The following MAPK8 variants were observed in gnomAD, a reference collection of about 807,000 sequenced individuals.
MAPK8 encodes JUN N-terminal kinase.
MAPK8 carries 13 observed loss-of-function variants against 52.9 expected under a neutral mutation model. The observed-to-expected ratio is 0.25, with a 90% CI of 0.16 to 0.39. The LOEUF is 0.39. Ranked by LOEUF, MAPK8 falls within the 10% of genes least tolerant of loss-of-function variation. The probability of loss-of-function intolerance (pLI) is 1.00; values close to 1 mark genes in which losing one functional copy is unlikely to be tolerated. For missense variants in MAPK8, 300 were observed against 519.2 expected (o/e 0.58, Z 4.10); for synonymous variants, 191 against 169.8 (o/e 1.12, Z -0.97).
At chr10:48,315,095 C>T (rs548949007) in intron 1 of MAPK8, among the ~76,000 whole-genome samples, 2 of 152,284 alleles carry the variant, frequency 1.3e-5, no homozygotes, top group South Asian at 4.1e-4. Context: ...GCTGTGTTTT[C>T]TGCTAGGTCT....
At chr10:48,342,509 A>G (rs1044152492) in intron 1 of MAPK8, among the ~76,000 whole-genome samples, 2 of 152,246 alleles carry the variant, frequency 1.3e-5, no homozygotes, top group Non-Finnish European at 2.9e-5. Context: ...AGCAGATTTT[A>G]AATAAGAAAA....
intron 3 of MAPK8, among the ~76,000 whole-genome samples, 196 bp from the exon 4 acceptor site, chr10:48,409,683 C>T (rs972276763): frequency 1.3e-5 from 2 of 152,198 alleles, no homozygotes; most frequent in African/African-American, 4.8e-5. Context: ...CTCTGTGCCT[C>T]CACCTATCCA....
intron 1 of MAPK8, among the ~76,000 whole-genome samples, chr10:48,377,251 C>G (rs1006342699): frequency 6.6e-6 from 1 of 152,040 alleles, no homozygotes; most frequent in African/African-American, 2.4e-5. Context: ...GGAGAAATAC[C>G]TAATGTAGAT....
intron 9 of MAPK8, chr10:48,426,872 AAAG>A (rs1309386167): frequency 3.9e-6 from 2 of 511,240 alleles, no homozygotes; most frequent in Non-Finnish European, 6.9e-6. Context: ...AGCTAGAAGA[AAAG>A]AAAAAAGACA....
At chr10:48,403,095 ATGT>A (rs2042242666) in intron 2 of MAPK8, among the ~76,000 whole-genome samples, 1 of 152,140 alleles carries the variant, frequency 6.6e-6, no homozygotes, top group African/African-American at 2.4e-5. Context: ...CAAACTTAGG[ATGT>A]TGTTTATCTC....
At chr10:48,419,352 G>C (rs2043225727) in intron 5 of MAPK8, among the ~76,000 whole-genome samples, 1 of 151,972 alleles carries the variant, frequency 6.6e-6, no homozygotes, top group Non-Finnish European at 1.5e-5. Flanking sequence ...TTCGTTTTTT[G>C]GTCCTTTGGC....
At chr10:48,408,987 C>T (rs1163850650) in intron 3 of MAPK8, among the ~76,000 whole-genome samples, 1 of 152,134 alleles carries the variant, frequency 6.6e-6, no homozygotes, top group African/African-American at 2.4e-5. Flanking sequence ...ATTATGAGCG[C>T]CCCACTCTCA....
rs562692620 is a variant in MAPK8, at chr10:48,376,443, A to G, written c.-49-25169A>G. ...AAAGAAACTATCATCAGAGTGAACA[A>G]GCAGCCTACAGAATGGGAGAAAATT... is the stretch of plus-strand genomic sequence containing the variant. On this transcript the variant is annotated intron_variant, in intron 1 of 11. Transcript: ENST00000374189. 5.3e-5 allele frequency among the ~76,000 whole-genome samples: 8 copies of G among 152,308 alleles called. No individual in the cohort carries two copies. The South Asian group carries it at 1.7e-3, about 32-fold the overall frequency.
chr10:48,341,297 A>G (rs967950544), intron 1 of MAPK8, among the ~76,000 whole-genome samples: 1 of 152,204 alleles, frequency 6.6e-6, no homozygotes, highest in Admixed American at 6.5e-5. Context: ...AAAGTAAAAG[A>G]AGAAACGTTA....
At chr10:48,330,405 C>T (rs1366037096) in intron 1 of MAPK8, among the ~76,000 whole-genome samples, 1 of 152,110 alleles carries the variant, frequency 6.6e-6, no homozygotes, top group Non-Finnish European at 1.5e-5. Context: ...TGTCTGTTCT[C>T]AAGAGTTTTT....
At chr10:48,334,369 C>T (rs547920988) in intron 1 of MAPK8, among the ~76,000 whole-genome samples, 5 of 152,160 alleles carry the variant, frequency 3.3e-5, no homozygotes, top group Non-Finnish European at 7.3e-5. Context: ...CTGGCCGTTT[C>T]CCTCGCAGAA....
intron 1 of MAPK8, among the ~76,000 whole-genome samples, chr10:48,389,236 T>G (rs1016404809): frequency 6.6e-6 from 1 of 151,904 alleles, no homozygotes; most frequent in East Asian, 1.9e-4. Context: ...TAATAAGGAG[T>G]GAGGTTAAAT....
chr10:48,434,853 C>T, intron 11 of MAPK8, 31 bp from the exon 12 acceptor site: 1 of 1,580,316 alleles, frequency 6.3e-7, no homozygotes. Flanking sequence ...CTGTCTGCAA[C>T]TGATTTGCTG....
At chr10:48,333,208 T>A (rs182074400) in intron 1 of MAPK8, among the ~76,000 whole-genome samples, 8 of 152,362 alleles carry the variant, frequency 5.3e-5, no homozygotes, top group African/African-American at 1.9e-4. Flanking sequence ...CAAGTATTTG[T>A]TGTTACGACC....
intron 5 of MAPK8, among the ~76,000 whole-genome samples, chr10:48,414,706 GC>G (rs1235548334): frequency 6.7e-6 from 1 of 149,908 alleles, no homozygotes; most frequent in Non-Finnish European, 1.5e-5. Flanking sequence ...CTCCCAAGTA[GC>G]TAAGACTATG....
At chr10:48,338,666 TA>T (rs993970853) in intron 1 of MAPK8, among the ~76,000 whole-genome samples, 1 of 152,046 alleles carries the variant, frequency 6.6e-6, no homozygotes, top group Non-Finnish European at 1.5e-5. Context: ...ATCCTGTACC[TA>T]AAAAAACCCT....
intron 3 of MAPK8, 74 bp downstream of exon 3, chr10:48,405,055 C>T (rs1156379118): frequency 1.1e-6 from 1 of 940,258 alleles, no homozygotes; most frequent in Non-Finnish European, 1.6e-6. Flanking sequence ...ATATCAAAGA[C>T]TAAATATTAG....
chr10:48,368,514 C>T (rs1392926320), intron 1 of MAPK8, among the ~76,000 whole-genome samples: 1 of 152,158 alleles, frequency 6.6e-6, no homozygotes, highest in African/African-American at 2.4e-5. Flanking sequence ...GGAGGAGGAT[C>T]TGGTAAGAGA....
At chr10:48,433,136 ATAT>A (rs2044487687) in intron 11 of MAPK8, among the ~76,000 whole-genome samples, 1 of 152,204 alleles carries the variant, frequency 6.6e-6, no homozygotes, top group Admixed American at 6.5e-5. Context: ...AAGATTTTCC[ATAT>A]TATTACCATT....
Sources: allele counts gnomAD v4.1 joint callset (sites outside exome capture counted in the v4.1 genomes callset), GRCh38; gene constraint gnomAD v4.1.1; transcripts MANE v1.5; gene names NCBI Gene and HGNC (gene_info 2026-07-23, HGNC 2026-07-21).